C17orf75: variants seen among roughly 807,000 people sequenced by gnomAD.
C17orf75 encodes protein Njmu-R1.
Under a neutral mutation model 49.6 loss-of-function variants are expected in C17orf75, and 32 were observed. The ratio of observed to expected loss-of-function variants is 0.65; its 90% CI spans 0.49 to 0.87. The LOEUF (loss-of-function observed/expected upper bound fraction) is 0.87, where lower values mean the gene tolerates loss of function less well. Among genes scored for constraint, C17orf75 ranks in the 40% least tolerant of loss-of-function variants. The probability of loss-of-function intolerance (pLI) is 0.00; values close to 1 mark genes in which losing one functional copy is unlikely to be tolerated. For missense variants in C17orf75, 428 were observed against 473.9 expected (o/e 0.90, Z 0.90); for synonymous variants, 158 against 159.5 (o/e 0.99, Z 0.07).
Position 32,331,869 on chromosome 17 carries a change from A to G in C17orf75, c.1085T>C (p.Ile362Thr), listed in dbSNP as rs1157302764. Residue 362 changes from isoleucine (I) to threonine (T), a missense_variant, in exon 10 of 10, where the codon ATA becomes ACA. Coordinates refer to ENST00000577809, the MANE Select transcript of C17orf75 (RefSeq NM_022344.4). ...TTCCACTTTAACAATCTTCAAAAGTATATCTCCACTACCACAGTTCTTTAG... is the reference window on the plus strand; with the variant it reads ...TTCCACTTTAACAATCTTCAAAAGTGTATCTCCACTACCACAGTTCTTTAG... Reference protein sequence around the residue: ...MFLKNCGSGDILLKIVKVEHE... With the variant: ...MFLKNCGSGDTLLKIVKVEHE... The G allele has an allele frequency of 1.2e-6, 2 of 1,613,404 alleles. No homozygotes were observed. The highest frequency in any genetic ancestry group is 1.7e-6 in the Non-Finnish European group (2 of 1,179,532).
chr17:32,333,765 G>A (rs1352219223), intron 8 of C17orf75, among the ~76,000 whole-genome samples: 2 of 152,042 alleles, frequency 1.3e-5, no homozygotes, highest in African/African-American at 2.4e-5. Context: ...CACTGCGCCT[G>A]ACCCATTTAT....
chr17:32,347,147 GAC>G (rs2041431109), upstream of C17orf75, among the ~76,000 whole-genome samples: 1 of 152,126 alleles, frequency 6.6e-6, no homozygotes, highest in Non-Finnish European at 1.5e-5. Context: ...TTTCAGTAGA[GAC>G]AGGATTTTGC....
chr17:32,348,111 G>A (rs963226342), intron 1 of C17orf75, among the ~76,000 whole-genome samples: 18 of 151,554 alleles, frequency 1.2e-4, no homozygotes, highest in Non-Finnish European at 2.9e-5. Flanking sequence ...TCCGCCTCCC[G>A]GGTTCAAGCG....
upstream of C17orf75, among the ~76,000 whole-genome samples, chr17:32,345,672 A>C (rs1007793781): frequency 5.3e-5 from 8 of 152,116 alleles, no homozygotes; most frequent in Admixed American, 5.2e-4. Context: ...TCTACTAAAA[A>C]TATAAGAATT....
At chr17:32,341,081 G>C (rs2041375497) in intron 2 of C17orf75, 123 bp downstream of exon 2, 4 of 1,011,400 alleles carry the variant, frequency 4.0e-6, no homozygotes, top group Non-Finnish European at 6.1e-6. Context: ...CTAGGGGATA[G>C]GAGGAATTGA....
rs1308133466 is a variant in C17orf75, at chr17:32,337,880, T to C, written c.549+17A>G. On this transcript the variant is annotated intron_variant, in intron 5 of 9. Transcript: ENST00000577809. ...CCCCATTTCAGTCTTTAAAAACCATTAAGTCAGTCACCTTACCTCACAATT... is the reference window on the plus strand; with the variant it reads ...CCCCATTTCAGTCTTTAAAAACCATCAAGTCAGTCACCTTACCTCACAATT... 4 of 1,597,690 alleles carry C rather than the reference T, an allele frequency of 2.5e-6. No individual in the cohort carries two copies. The highest frequency in any genetic ancestry group is 2.6e-6 in the Non-Finnish European group (3 of 1,170,766).
intron 7 of C17orf75, 79 bp downstream of exon 7, chr17:32,334,696 G>C (rs2041309223): frequency 6.4e-7 from 1 of 1,571,260 alleles, no homozygotes; most frequent in Non-Finnish European, 8.7e-7. Context: ...GTGGGGAAGG[G>C]ATGGAAGGAG....
chr17:32,335,210 T>C (rs565944564), intron 6 of C17orf75, 113 bp downstream of exon 6: 2 of 1,279,900 alleles, frequency 1.6e-6, no homozygotes, highest in African/African-American at 3.0e-5. Flanking sequence ...ATAGCAAGCA[T>C]AGTTTGAATA....
At chr17:32,336,155 G>T (rs2041323692) in intron 5 of C17orf75, among the ~76,000 whole-genome samples, 1 of 152,214 alleles carries the variant, frequency 6.6e-6, no homozygotes, top group Non-Finnish European at 1.5e-5. Flanking sequence ...TACTATATAT[G>T]TAATGGGTAG....
At chr17:32,335,201 T>G (rs922391795) in intron 6 of C17orf75, 122 bp downstream of exon 6, 1 of 1,224,104 alleles carries the variant, frequency 8.2e-7, no homozygotes, top group Non-Finnish European at 1.1e-6. Context: ...TCTATCTTGA[T>G]AGCAAGCATA....
rs748304267 is a variant in C17orf75 at position 32,328,992 on chromosome 17, TTTC to T, written c.*2768_*2770del. 1.9e-4 allele frequency: 29 copies of T among 152,334 alleles called. No homozygotes were observed. Among genetic ancestry groups the T allele is most frequent in the African/African-American group, 6.7e-4 (28 of 41,584 alleles). 9.4% of individuals were successfully genotyped at this position (152,334 alleles called of 1,614,324 possible). Reference sequence around the variant, plus strand: ...ATGTTTCTAGTCATGAACTCTGTGGTTTCTTCTCATGACCAAGATATTCAGTTC... The same window carrying T: ...ATGTTTCTAGTCATGAACTCTGTGGTTTCTCATGACCAAGATATTCAGTTC... On this transcript the variant is annotated 3_prime_UTR_variant, in exon 10 of 10. Coordinates refer to ENST00000577809, the MANE Select transcript of C17orf75 (RefSeq NM_022344.4).
At chr17:32,340,004 C>T (rs1380463291) in intron 2 of C17orf75, 66 bp from the exon 3 acceptor site, 3 of 1,575,184 alleles carry the variant, frequency 1.9e-6, no homozygotes, top group Non-Finnish European at 2.6e-6. Flanking sequence ...TTAAGTCAGA[C>T]AGAATGGTAC....
intron 1 of C17orf75, 142 bp downstream of exon 1, chr17:32,341,858 G>C: frequency 9.2e-7 from 1 of 1,081,738 alleles, no homozygotes; most frequent in Non-Finnish European, 1.1e-6. Context: ...CTTCAGGCCA[G>C]AGACCTTGGC....
Position 32,337,119 on chromosome 17 carries a change from C to T in C17orf75, c.549+778G>A, listed in dbSNP as rs144142468. ...CCATGATCGTGCCACTGCACTCCAG[C>T]CTGGGTGATAGAGTGAGACCCTATC... On this transcript the variant is annotated intron_variant, in intron 5 of 9. Transcript: ENST00000577809. Among the ~76,000 whole-genome samples the T allele has an allele frequency of 4.8e-3, 735 of 151,902 alleles. 5 individuals are homozygous for T. Among genetic ancestry groups the T allele is most frequent in the African/African-American group, 0.016 (676 of 41,414 alleles).
At chr17:32,338,061 G>A in intron 4 of C17orf75, 107 bp from the exon 5 acceptor site, 1 of 1,521,192 alleles carries the variant, frequency 6.6e-7, no homozygotes. Context: ...ATGCAAACAA[G>A]CCAAGGCAAA....
At chr17:32,350,005 GA>G in exon 1 of C17orf75, 1 of 1,314,704 alleles carries the variant, frequency 7.6e-7, no homozygotes, top group Admixed American at 2.9e-5. Flanking sequence ...CAGCGAAAGC[GA>G]AAAACTCTGA....
chr17:32,349,010 C>A (rs917645089), intron 1 of C17orf75, among the ~76,000 whole-genome samples: 2 of 151,840 alleles, frequency 1.3e-5, no homozygotes, highest in African/African-American at 4.8e-5. Flanking sequence ...AGGTTACAGG[C>A]GCCTGCCACT....
chr17:32,349,028 G>A (rs980752577), intron 1 of C17orf75, among the ~76,000 whole-genome samples: 4 of 151,786 alleles, frequency 2.6e-5, no homozygotes, highest in African/African-American at 9.7e-5. Flanking sequence ...ACTACGCCTG[G>A]CTAATTTTTG....
upstream of C17orf75, among the ~76,000 whole-genome samples, chr17:32,345,442 C>T (rs1419227288): frequency 6.6e-6 from 1 of 152,120 alleles, no homozygotes; most frequent in Non-Finnish European, 1.5e-5. Context: ...TGCCACTGCT[C>T]TCCAGCCTGG....
Sources: gnomAD v4.1 joint callset for allele counts (sites outside exome capture counted in the v4.1 genomes callset) on GRCh38, gnomAD v4.1.1 for gene constraint, MANE v1.5 for transcripts, NCBI Gene and HGNC (gene_info 2026-07-23, HGNC 2026-07-21) for gene names.